The following CDHR2 variants were observed in gnomAD, a reference collection of about 807,000 sequenced individuals.
CDHR2 encodes the protein cadherin related family member 2, also known as cadherin-related family member 2.
In CDHR2, 104 loss-of-function variants were observed where a neutral mutation model predicts 138.6. That is an observed-to-expected ratio of 0.75 (90% CI 0.64 to 0.88). The LOEUF is 0.88. Ranked by LOEUF, CDHR2 falls within the 40% of genes least tolerant of loss-of-function variation. The pLI, the probability that CDHR2 is intolerant of heterozygous loss-of-function variation, is 0.00. For missense variants in CDHR2, 1,624 were observed against 1,727.6 expected (o/e 0.94, Z 1.06); for synonymous variants, 755 against 742.8 (o/e 1.02, Z -0.27).
intron 30 of CDHR2, 75 bp from the exon 31 acceptor site, chr5:176,592,648 G>A (rs1449305006): frequency 8.5e-7 from 1 of 1,170,354 alleles, no homozygotes; most frequent in African/African-American, 1.5e-5. Context: ...TGGTGGTGAT[G>A]GAGGTGGTGG....
chr5:176,593,115 C>G (rs1758928500), intron 31 of CDHR2, among the ~76,000 whole-genome samples: 1 of 152,180 alleles, frequency 6.6e-6, no homozygotes, highest in African/African-American at 2.4e-5. Flanking sequence ...CTGCTTCCAG[C>G]CCTTTATGGC....
intron 6 of CDHR2, among the ~76,000 whole-genome samples, chr5:176,572,957 A>G (rs1439170772): frequency 6.6e-6 from 1 of 152,228 alleles, no homozygotes; most frequent in Non-Finnish European, 1.5e-5. Context: ...GAGCCCCACA[A>G]TGAGCACGAG....
chr5:176,592,192 T>C (rs1360765039), intron 30 of CDHR2, among the ~76,000 whole-genome samples: 3 of 145,224 alleles, frequency 2.1e-5, no homozygotes, highest in Non-Finnish European at 4.5e-5. Flanking sequence ...GTTGAGGTGA[T>C]GATGGTGCTG....
At chr5:176,594,383 ATC>A (rs1758965721) in intron 31 of CDHR2, among the ~76,000 whole-genome samples, 1 of 152,076 alleles carries the variant, frequency 6.6e-6, no homozygotes, top group African/African-American at 2.4e-5. Context: ...TTTCCCAGGA[ATC>A]TCTTGGTGCC....
At chr5:176,580,158 T>TCACACACACA (rs879500557) in intron 16 of CDHR2, among the ~76,000 whole-genome samples, 1 of 146,520 alleles carries the variant, frequency 6.8e-6, no homozygotes, top group Non-Finnish European at 1.5e-5. Flanking sequence ...ACACACACAC[T>TCACACACACA]CACACACGCA....
intron 3 of CDHR2, 31 bp downstream of exon 3, chr5:176,565,774 T>TCTGCCATGCCTGGGGTCAGGGCACCC (rs1561869741): frequency 6.3e-7 from 1 of 1,587,948 alleles, no homozygotes; most frequent in Non-Finnish European, 8.6e-7. Flanking sequence ...CTGCCCCATG[T>TCTGCCATGCCTGGGGTCAGGGCACCC]CAGGTCCTGA....
In CDHR2 at chr5:176,578,505, T is replaced by C. The variant is rs777572405; in HGVS notation, c.1715T>C (p.Leu572Pro). 8 of 1,614,020 alleles carry C rather than the reference T, an allele frequency of 5.0e-6. No homozygotes were observed. The highest frequency in any genetic ancestry group is 6.8e-6 in the Non-Finnish European group (8 of 1,179,912). The change falls in exon 16 of 32, where the codon CTG becomes CCG. Residue 572 changes from leucine to proline, a missense_variant. Coordinates refer to ENST00000261944, the MANE Select transcript of CDHR2 (RefSeq NM_017675.6). Reference sequence around the variant, plus strand: ...GGGAACCTGTCCTCCTCCACCACACTGCAGATCCACCTGCTGGACATCAAC... The same window carrying C: ...GGGAACCTGTCCTCCTCCACCACACCGCAGATCCACCTGCTGGACATCAAC... ...DGGNLSSSTT[L>P]QIHLLDINDN...
Position 176,592,304 on chromosome 5 carries a change from ATGG to A in CDHR2, c.3735-404_3735-402del, listed in dbSNP as rs544667008. On this transcript the variant is annotated intron_variant, in intron 30 of 31. Transcript: ENST00000261944. The stretch of plus-strand genomic sequence containing the variant: ...GGTGATGGTGATGGTGGTGATGGTG[ATGG>A]TGGTGGTGGTGGTGTTGGTGTTGAG... 3.2e-4 allele frequency among the ~76,000 whole-genome samples: 28 copies of A among 88,752 alleles called. No individual in the cohort carries two copies. The East Asian group carries it at 4.4e-3, about 14-fold the overall frequency. The allele number at this position is 88,752 out of a possible 152,430, so 58.2% of individuals were successfully genotyped here.
chr5:176,592,643 GTGA>G (rs1220175913), intron 30 of CDHR2, 77 bp from the exon 31 acceptor site: 15 of 1,097,658 alleles, frequency 1.4e-5, no homozygotes, highest in Non-Finnish European at 2.1e-5. Context: ...GGTGATGGTG[GTGA>G]TGGAGGTGGT....
At chr5:176,561,097 G>A (rs6887858) in intron 1 of CDHR2, among the ~76,000 whole-genome samples, 20,683 of 152,138 alleles carry the variant, frequency 0.14, 3,100 homozygotes, top group African/African-American at 0.38. Context: ...GAGACAGACC[G>A]TCCTTTTCCT....
upstream of CDHR2, among the ~76,000 whole-genome samples, chr5:176,545,008 C>T (rs777195401): frequency 6.6e-6 from 1 of 152,146 alleles, no homozygotes; most frequent in Non-Finnish European, 1.5e-5. Context: ...GAGAGACTTG[C>T]CTAACTTCAG....
intron 17 of CDHR2, among the ~76,000 whole-genome samples, chr5:176,582,259 A>G (rs546869645): frequency 2.0e-5 from 3 of 152,230 alleles, no homozygotes; most frequent in Non-Finnish European, 4.4e-5. Context: ...AGCTCAAGCG[A>G]TCCACCCGCC....
upstream of CDHR2, among the ~76,000 whole-genome samples, chr5:176,544,515 C>G (rs911862162): frequency 6.7e-6 from 1 of 149,976 alleles, no homozygotes; most frequent in Non-Finnish European, 1.5e-5. Flanking sequence ...TCTCGGTTCA[C>G]TGCAACCTCC....
chr5:176,568,638 G>T (rs747165658), intron 3 of CDHR2, 40 bp from the exon 4 acceptor site: 34 of 1,607,828 alleles, frequency 2.1e-5, no homozygotes, highest in Admixed American at 8.4e-5. Context: ...GCACTGAAAG[G>T]GTGGCTGTGG....
chr5:176,551,461 A>C (rs1757704064), intron 1 of CDHR2, among the ~76,000 whole-genome samples: 1 of 152,074 alleles, frequency 6.6e-6, no homozygotes, highest in African/African-American at 2.4e-5. Context: ...AATTTCTGGA[A>C]TATAGATAGT....
In CDHR2 at chr5:176,595,587, T is replaced by C. The variant is rs561252582; in HGVS notation, c.3848T>C (p.Val1283Ala). Residue 1283 changes from valine to alanine, a missense_variant, in exon 32 of 32, where the codon GTC (valine) becomes GCC (alanine). Val to Ala is a moderately conservative substitution (Grantham distance 64). Coordinates refer to ENST00000261944, the MANE Select transcript of CDHR2 (RefSeq NM_017675.6). The part of the protein sequence containing the change: ...PEPDPEPLSV[V>A]LLGRQAGASG... The stretch of plus-strand genomic sequence containing the variant: ...CCAGATCCAGAGCCCCTGAGCGTGG[T>C]CCTGTTAGGACGGCAGGCAGGCGCA... 72 of 1,612,834 alleles carry C rather than the reference T, an allele frequency of 4.5e-5. No individual in the cohort carries two copies. The South Asian group carries it at 6.5e-4, about 15-fold the overall frequency.
chr5:176,555,823 C>A (rs1581130431), intron 1 of CDHR2, among the ~76,000 whole-genome samples: 1 of 152,306 alleles, frequency 6.6e-6, no homozygotes, highest in East Asian at 1.9e-4. Context: ...CTCGGTTGAA[C>A]CCGGGAGGCA....
Position 176,575,072 on chromosome 5 carries a change from G to T in CDHR2, c.496-12G>T. 1 of 1,613,892 alleles carries T rather than the reference G, an allele frequency of 6.2e-7. No individual in the cohort carries two copies. Among genetic ancestry groups the T allele is most frequent in the Non-Finnish European group, 8.5e-7 (1 of 1,179,984 alleles). On this transcript the variant is annotated splice_polypyrimidine_tract_variant and intron_variant, in intron 7 of 31. Transcript: ENST00000261944. ...TCCCTAGGGAGCCTGACCCAAGTCTGCTCTGCCCCAGGTCATCCCTAGCAC... is the reference window on the plus strand; with the variant it reads ...TCCCTAGGGAGCCTGACCCAAGTCTTCTCTGCCCCAGGTCATCCCTAGCAC...
chr5:176,551,378 G>A (rs764160160), intron 1 of CDHR2, among the ~76,000 whole-genome samples: 21 of 152,192 alleles, frequency 1.4e-4, no homozygotes, highest in Non-Finnish European at 2.2e-4. Context: ...ATGTTGGTCA[G>A]GCTGGTCCAG....
Sources: gnomAD v4.1 joint callset for allele counts (sites outside exome capture counted in the v4.1 genomes callset) on GRCh38, gnomAD v4.1.1 for gene constraint, MANE v1.5 for transcripts, NCBI Gene and HGNC (gene_info 2026-07-23, HGNC 2026-07-21) for gene names.